The following NKD1 variants were observed in gnomAD, a reference collection of about 807,000 sequenced individuals.
The protein encoded by NKD1 is NKD inhibitor of Wnt signaling pathway 1.
In NKD1, 21 loss-of-function variants were observed where a neutral mutation model predicts 56.0. The observed-to-expected ratio is 0.38, with a 90% confidence interval of 0.27 to 0.54. The LOEUF (loss-of-function observed/expected upper bound fraction) is 0.54, where lower values mean the gene tolerates loss of function less well. Ranked by LOEUF, NKD1 falls within the 20% of genes least tolerant of loss-of-function variation. The pLI is 0.82. For missense variants in NKD1, 578 were observed against 642.7 expected (o/e 0.90, Z 1.09); for synonymous variants, 263 against 265.7 (o/e 0.99, Z 0.10).
intron 3 of NKD1, among the ~76,000 whole-genome samples, chr16:50,563,716 A>G (rs1960695779): frequency 7.3e-6 from 1 of 137,558 alleles, no homozygotes. Context: ...CTCAGTGGGC[A>G]CAGCCCTGGA....
At chr16:50,616,723 G>A (rs756211829) in intron 4 of NKD1, among the ~76,000 whole-genome samples, 8 of 152,206 alleles carry the variant, frequency 5.3e-5, no homozygotes, top group African/African-American at 9.7e-5. Context: ...GGACTGTACA[G>A]AATAAAGTGC....
At chr16:50,578,263 C>T (rs1961031936) in intron 3 of NKD1, among the ~76,000 whole-genome samples, 2 of 152,214 alleles carry the variant, frequency 1.3e-5, no homozygotes, top group Admixed American at 1.3e-4. Flanking sequence ...CACTTCTGCT[C>T]ATGTTCGATT....
At chr16:50,566,236 A>G (rs931436373) in intron 3 of NKD1, 13 of 939,744 alleles carry the variant, frequency 1.4e-5, no homozygotes, top group Non-Finnish European at 1.6e-5. Flanking sequence ...GTAACCAGGG[A>G]GTGGACTTCA....
intron 3 of NKD1, among the ~76,000 whole-genome samples, chr16:50,564,209 T>C (rs768318286): frequency 6.6e-6 from 1 of 152,226 alleles, no homozygotes; most frequent in Non-Finnish European, 1.5e-5. Flanking sequence ...ATGATCATGG[T>C]CTTCCTTCTA....
intron 1 of NKD1, 32 bp downstream of exon 1, chr16:50,548,610 G>T (rs1023872611): frequency 2.8e-6 from 4 of 1,449,108 alleles, no homozygotes; most frequent in Non-Finnish European, 2.7e-6. Context: ...CTCGCCCCGG[G>T]CCCCGCCGCC....
Position 50,633,100 on chromosome 16 carries a change from G to T in NKD1, c.824-92G>T. 2.5e-6 allele frequency: 3 copies of T among 1,220,658 alleles called. No homozygotes were observed. The highest frequency in any genetic ancestry group is 3.3e-6 in the Non-Finnish European group (3 of 897,150). The allele number at this position is 1,220,658 out of a possible 1,614,324, so 75.6% of individuals were successfully genotyped here. A position where few individuals can be genotyped will look rare whatever the true frequency, so the allele number is the denominator to read the frequency against. On this transcript the variant is annotated intron_variant, in intron 9 of 9. Coordinates refer to ENST00000268459, the MANE Select transcript of NKD1 (RefSeq NM_033119.5). The surrounding 1 kb of genome is among the most constrained non-coding windows in gnomAD (Gnocchi z 4.9). Reference sequence around the variant, plus strand: ...GGCATTGGGGGGTAGCTCTGGTTTTGGAGAACTGGGGGCGGGGGTGATGTC... The same window carrying T: ...GGCATTGGGGGGTAGCTCTGGTTTTTGAGAACTGGGGGCGGGGGTGATGTC...
chr16:50,645,400 G>C lies in NKD1; in HGVS notation c.*11619G>C, dbSNP rs2151284223. The C allele has an allele frequency of 6.5e-6, 1 of 152,806 alleles. No homozygotes were observed. Among genetic ancestry groups the C allele is most frequent in the South Asian group, 2.1e-4 (1 of 4,842 alleles). 9.5% of individuals were successfully genotyped at this position (152,806 alleles called of 1,614,324 possible). ...AATTAGCCAGGTGGAAAGTTAGAGG[G>C]AGCAGCTGGTACAAGGGCCTCAAGG... On this transcript the variant is annotated 3_prime_UTR_variant, in exon 10 of 10. Coordinates refer to ENST00000268459, the MANE Select transcript of NKD1 (RefSeq NM_033119.5).
chr16:50,625,163 T>G (rs1227790151), intron 5 of NKD1: 7 of 386,550 alleles, frequency 1.8e-5, no homozygotes, highest in Non-Finnish European at 3.4e-5. Flanking sequence ...AGTTGCTTCT[T>G]GCCCTTGGTC....
chr16:50,593,363 A>G (rs1184480325), intron 3 of NKD1, among the ~76,000 whole-genome samples: 2 of 152,274 alleles, frequency 1.3e-5, no homozygotes, highest in African/African-American at 4.8e-5. Flanking sequence ...CAGGGGCTCA[A>G]ATGATGTCAG....
intron 8 of NKD1, among the ~76,000 whole-genome samples, chr16:50,631,184 G>T (rs1243477526): frequency 6.6e-6 from 1 of 152,214 alleles, no homozygotes; most frequent in Non-Finnish European, 1.5e-5. Flanking sequence ...GCTCTGACGT[G>T]TTGCTGTTTC....
chr16:50,633,290 C>G lies in NKD1; in HGVS notation c.922C>G (p.Arg308Gly). Residue 308 changes from arginine (R) to glycine (G), a missense_variant, in exon 10 of 10, where the codon CGA (arginine) becomes GGA (glycine). Coordinates refer to ENST00000268459, the MANE Select transcript of NKD1 (RefSeq NM_033119.5). This position sits in a 1 kb window ranked among gnomAD's most constrained non-coding sequence, Gnocchi z 4.9. ...GCCGGAAGCCATCCACATCCCACAC[C>G]GAAAGCCCCAAGGCGTGGACCCGGC... ...HEPEAIHIPH[R>G]KPQGVDPASF... 1 of 1,614,138 alleles carries G rather than the reference C, an allele frequency of 6.2e-7. No individual in the cohort carries two copies. Among genetic ancestry groups the G allele is most frequent in the Non-Finnish European group, 8.5e-7 (1 of 1,180,012 alleles).
chr16:50,565,209 C>G (rs1960731841), intron 3 of NKD1, among the ~76,000 whole-genome samples: 1 of 151,756 alleles, frequency 6.6e-6, no homozygotes, highest in Non-Finnish European at 1.5e-5. Context: ...CCCCGTGTTT[C>G]CTTCACTAAA....
intron 3 of NKD1, among the ~76,000 whole-genome samples, chr16:50,584,351 C>T (rs534448898): frequency 5.1e-4 from 78 of 152,318 alleles, no homozygotes; most frequent in African/African-American, 1.8e-3. Flanking sequence ...TGGCTAAGCC[C>T]AGTCTCAGTG....
rs766670683 is a variant in NKD1, at chr16:50,633,863, GTTA to G, written c.*87_*89del. The G allele has an allele frequency of 3.1e-4, 202 of 643,322 alleles. 1 individual carries two copies. The highest frequency in any genetic ancestry group is 7.5e-5 in the Non-Finnish European group (29 of 388,540). The allele number at this position is 643,322 out of a possible 1,614,324, so 39.9% of individuals were successfully genotyped here. A position where few individuals can be genotyped will look rare whatever the true frequency, so the allele number is the denominator to read the frequency against. On this transcript the variant is annotated 3_prime_UTR_variant, in exon 10 of 10. Transcript: ENST00000268459. The surrounding 1 kb of genome is among the most constrained non-coding windows in gnomAD (Gnocchi z 4.9). ...AGGCATTATTATTCTATTAATTATTGTTATTATGATGATTATTGTTATTAATAA... is the reference window on the plus strand; with the variant it reads ...AGGCATTATTATTCTATTAATTATTGTTATGATGATTATTGTTATTAATAA...
At chr16:50,562,275 A>G (rs1960650664) in intron 3 of NKD1, 1 of 980,968 alleles carries the variant, frequency 1.0e-6, no homozygotes, top group Non-Finnish European at 1.2e-6. Context: ...TGTTTCTTAC[A>G]GTGTGAAAAA....
In NKD1 at chr16:50,570,542, G is replaced by T. The variant is rs184725916; in HGVS notation, c.192+20987G>T. ...CTTACTAGCTGTGTGACCTTTGGGCGAGTGCCTTAACCTCTCTGTGTCTCT... is the reference window on the plus strand; with the variant it reads ...CTTACTAGCTGTGTGACCTTTGGGCTAGTGCCTTAACCTCTCTGTGTCTCT... On this transcript the variant is annotated intron_variant, in intron 3 of 9. Transcript: ENST00000268459. Among the ~76,000 whole-genome samples, 12 of 152,324 alleles carry T rather than the reference G, an allele frequency of 7.9e-5. No homozygotes were observed. The South Asian group carries it at 2.5e-3, about 32-fold the overall frequency.
intron 2 of NKD1, 67 bp downstream of exon 2, chr16:50,548,816 C>T: frequency 7.5e-7 from 1 of 1,332,032 alleles, no homozygotes; most frequent in Non-Finnish European, 9.6e-7. Flanking sequence ...GGCAGAACGG[C>T]CCAGCCCGCC....
chr16:50,573,007 T>C (rs550842230), intron 3 of NKD1: 1 of 283,846 alleles, frequency 3.5e-6, no homozygotes, highest in East Asian at 1.7e-4. Flanking sequence ...ACTTTCCTAA[T>C]GTTTCTGAGG....
chr16:50,563,563 C>G (rs1310331814), intron 3 of NKD1, among the ~76,000 whole-genome samples: 1 of 150,878 alleles, frequency 6.6e-6, no homozygotes, highest in African/African-American at 2.4e-5. Context: ...GGAGAAGACC[C>G]TGTGTGTCAG....
Sources: allele counts gnomAD v4.1 joint callset (sites outside exome capture counted in the v4.1 genomes callset), GRCh38; gene constraint gnomAD v4.1.1; non-coding constraint Gnocchi (gnomAD v3.1); transcripts MANE v1.5; gene names NCBI Gene and HGNC (gene_info 2026-07-23, HGNC 2026-07-21).